DNAJC1: variants seen among roughly 807,000 people sequenced by gnomAD.
The protein encoded by DNAJC1 is dnaJ homolog subfamily C member 1.
A neutral mutation model predicts 76.6 loss-of-function variants in DNAJC1; 58 were observed. The ratio of observed to expected loss-of-function variants is 0.76; its 90% CI spans 0.61 to 0.94. The LOEUF (loss-of-function observed/expected upper bound fraction) is 0.94. Ranked by LOEUF, DNAJC1 falls within the 40% of genes least tolerant of loss-of-function variation. The pLI is 0.00. For missense variants in DNAJC1, 689 were observed against 677.3 expected (o/e 1.02, Z -0.19); for synonymous variants, 258 against 267.9 (o/e 0.96, Z 0.36).
Position 21,831,369 on chromosome 10 carries a change from T to C in DNAJC1, c.979-25270A>G, listed in dbSNP as rs943440786. On this transcript the variant is annotated intron_variant, in intron 8 of 11. Coordinates refer to ENST00000376980, the MANE Select transcript of DNAJC1 (RefSeq NM_022365.4). The stretch of plus-strand genomic sequence containing the variant: ...TTAAAACCCCAGGCACTAACACTTA[T>C]ATTCTGTGGTGTCAGTTTCTGCTAA... Among the ~76,000 whole-genome samples, 4 of 152,338 alleles carry C rather than the reference T, an allele frequency of 2.6e-5. No homozygotes were observed. The South Asian group carries it at 8.3e-4, about 32-fold the overall frequency.
At chr10:21,779,474 C>T (rs960319657) in intron 9 of DNAJC1, among the ~76,000 whole-genome samples, 1 of 152,178 alleles carries the variant, frequency 6.6e-6, no homozygotes, top group South Asian at 2.1e-4. Context: ...TGGTGATACC[C>T]AGGCAAACAG....
At chr10:21,910,862 G>C (rs1260849991) in intron 6 of DNAJC1, among the ~76,000 whole-genome samples, 1 of 143,528 alleles carries the variant, frequency 7.0e-6, no homozygotes. Context: ...GAGAGGAGAG[G>C]AGAGGAGAGG....
chr10:21,834,074 G>A (rs1032723145), intron 8 of DNAJC1, among the ~76,000 whole-genome samples: 2 of 151,946 alleles, frequency 1.3e-5, no homozygotes, highest in African/African-American at 4.8e-5. Context: ...ACCATCCTGG[G>A]TAACACGGTG....
chr10:21,982,642 A>G (rs1214906942), intron 1 of DNAJC1, among the ~76,000 whole-genome samples: 3 of 152,102 alleles, frequency 2.0e-5, no homozygotes, highest in Non-Finnish European at 4.4e-5. Context: ...AAGATGCTCA[A>G]TAACAGTAGT....
intron 9 of DNAJC1, among the ~76,000 whole-genome samples, chr10:21,778,983 G>C (rs1016205521): frequency 6.6e-6 from 1 of 152,212 alleles, no homozygotes; most frequent in African/African-American, 2.4e-5. Context: ...CACGCCCATG[G>C]AGCCTCGCTC....
chr10:21,782,157 T>C (rs73594510), intron 9 of DNAJC1, among the ~76,000 whole-genome samples: 1 of 151,616 alleles, frequency 6.6e-6, no homozygotes, highest in Non-Finnish European at 1.5e-5. Context: ...GCAAGACTAA[T>C]AAAGAAGAAA....
At chr10:21,994,043 TC>T (rs1838373646) in intron 1 of DNAJC1, among the ~76,000 whole-genome samples, 1 of 152,228 alleles carries the variant, frequency 6.6e-6, no homozygotes, top group Non-Finnish European at 1.5e-5. Context: ...CTGGGACTTT[TC>T]TTTGAGAACA....
intron 7 of DNAJC1, among the ~76,000 whole-genome samples, chr10:21,902,379 A>G (rs1247577370): frequency 2.6e-5 from 4 of 152,114 alleles, no homozygotes; most frequent in African/African-American, 4.8e-5. Flanking sequence ...ATCTCGACTC[A>G]CTGCAATGTC....
At chr10:21,904,865 C>T (rs1836717277) in intron 6 of DNAJC1, among the ~76,000 whole-genome samples, 1 of 152,032 alleles carries the variant, frequency 6.6e-6, no homozygotes, top group Admixed American at 6.5e-5. Flanking sequence ...GAGGTATCCT[C>T]TTCCTGTTTT....
intron 1 of DNAJC1, among the ~76,000 whole-genome samples, chr10:21,955,191 AT>A (rs1837658197): frequency 1.3e-5 from 2 of 152,362 alleles, no homozygotes; most frequent in East Asian, 1.9e-4. Context: ...TTAATCCGTT[AT>A]AACATTGCAG....
At chr10:21,881,151 AAGAG>A (rs956497109) in intron 8 of DNAJC1, among the ~76,000 whole-genome samples, 1 of 152,220 alleles carries the variant, frequency 6.6e-6, no homozygotes, top group Admixed American at 6.5e-5. Flanking sequence ...TCTTAGAATG[AAGAG>A]AGAGAGGGCA....
chr10:21,802,177 A>G (rs1834821246), intron 9 of DNAJC1, among the ~76,000 whole-genome samples: 1 of 152,130 alleles, frequency 6.6e-6, no homozygotes, highest in Admixed American at 6.6e-5. Flanking sequence ...AGGAAGGGAG[A>G]GGAGTATGAG....
chr10:21,846,670 G>T (rs1835664333), intron 8 of DNAJC1, among the ~76,000 whole-genome samples: 2 of 152,026 alleles, frequency 1.3e-5, no homozygotes, highest in Non-Finnish European at 2.9e-5. Flanking sequence ...CGAGATGGAA[G>T]ACAGAAAATT....
Position 21,845,242 on chromosome 10 carries a change from A to G in DNAJC1, c.978+37040T>C, listed in dbSNP as rs564651043. ...GTTTGTCTCGTGTGCCATTGCATAG[A>G]TTCTGATCTTCCATCAAGCAAGCTG... On this transcript the variant is annotated intron_variant, in intron 8 of 11. Coordinates refer to ENST00000376980, the MANE Select transcript of DNAJC1 (RefSeq NM_022365.4). Among the ~76,000 whole-genome samples, 76 of 152,120 alleles carry G rather than the reference A, an allele frequency of 5.0e-4. No homozygotes were observed. The Middle Eastern group carries it at 0.014, about 27-fold the overall frequency.
At chr10:21,952,491 C>T (rs1031454522) in intron 1 of DNAJC1, among the ~76,000 whole-genome samples, 46 of 152,234 alleles carry the variant, frequency 3.0e-4, no homozygotes, top group African/African-American at 9.6e-4. Context: ...GGCGTGGTGG[C>T]TCATGCCTGT....
chr10:21,846,042 C>T lies in DNAJC1; in HGVS notation c.978+36240G>A, dbSNP rs191464944. Among the ~76,000 whole-genome samples the T allele has an allele frequency of 2.2e-3, 340 of 152,276 alleles. 3 individuals carry two copies. Among genetic ancestry groups the T allele is most frequent in the African/African-American group, 7.8e-3 (324 of 41,554 alleles). Reference sequence around the variant, plus strand: ...TAGTTATGAAAGATCTATAATGCAACAGCCATGATCCAATTAAAGGTAGAC... The same window carrying T: ...TAGTTATGAAAGATCTATAATGCAATAGCCATGATCCAATTAAAGGTAGAC... On this transcript the variant is annotated intron_variant, in intron 8 of 11. Transcript: ENST00000376980.
chr10:21,948,635 T>C, intron 1 of DNAJC1, among the ~76,000 whole-genome samples: 1 of 152,232 alleles, frequency 6.6e-6, no homozygotes, highest in South Asian at 2.1e-4. Context: ...AGTATATTGT[T>C]GTAATTGTTC....
At position 21,860,117 on chromosome 10, in the gene DNAJC1, T is replaced by A. The variant is rs1201488868; in HGVS notation, c.978+22165A>T. On this transcript the variant is annotated intron_variant, in intron 8 of 11. Coordinates refer to ENST00000376980, the MANE Select transcript of DNAJC1 (RefSeq NM_022365.4). ...TTCTTAATGCAAACAGCAGAGAGGG[T>A]AACTAGGACATACATTTATCTTCAC... is the stretch of plus-strand genomic sequence containing the variant. Among the ~76,000 whole-genome samples, 3 of 145,502 alleles carry A rather than the reference T, an allele frequency of 2.1e-5. 1 individual carries two copies. Among genetic ancestry groups the A allele is most frequent in the African/African-American group, 7.7e-5 (3 of 38,978 alleles).
chr10:21,866,144 A>AAAAAAAAAAAAAAAAAAAAAAAAAAAC (rs1835997483), intron 8 of DNAJC1, among the ~76,000 whole-genome samples: 1 of 150,936 alleles, frequency 6.6e-6, no homozygotes. Flanking sequence ...CAAAAAAAAA[A>AAAAAAAAAAAAAAAAAAAAAAAAAAAC]AAAAAAAAAA....
Sources: allele counts gnomAD v4.1 joint callset (sites outside exome capture counted in the v4.1 genomes callset), GRCh38; gene constraint gnomAD v4.1.1; transcripts MANE v1.5; gene names NCBI Gene and HGNC (gene_info 2026-07-23, HGNC 2026-07-21).